The following CHN2 variants were observed in gnomAD, a reference collection of about 807,000 sequenced individuals.
The protein encoded by CHN2 is chimerin 2.
In CHN2, 35 loss-of-function variants were observed where a neutral mutation model predicts 56.3. That is an observed-to-expected ratio of 0.62 (90% confidence interval 0.47 to 0.82). The LOEUF (loss-of-function observed/expected upper bound fraction) is 0.82. Among genes scored for constraint, CHN2 ranks in the 40% least tolerant of loss-of-function variants. The probability of loss-of-function intolerance (pLI) is 0.00; values close to 1 mark genes in which losing one functional copy is unlikely to be tolerated. For synonymous variants in CHN2, 210 were observed against 212.8 expected, an observed-to-expected ratio of 0.99 and a Z score of 0.12; for missense variants, 491 against 580.5, an observed-to-expected ratio of 0.85 and a Z score of 1.58.
chr7:29,181,715 T>C (rs1018572050), intron 2 of CHN2, among the ~76,000 whole-genome samples: 2 of 152,170 alleles, frequency 1.3e-5, no homozygotes, highest in African/African-American at 4.8e-5. Context: ...CTAGAAAAAC[T>C]AAATAAAGTA....
chr7:29,509,639 T>C (rs1791044340), intron 12 of CHN2: 1 of 354,826 alleles, frequency 2.8e-6, no homozygotes, highest in African/African-American at 2.1e-5. Flanking sequence ...GGTCAGGAGA[T>C]TGAGACCATC....
chr7:29,435,894 C>CTTT (rs57786505), intron 6 of CHN2, among the ~76,000 whole-genome samples: 33,723 of 135,776 alleles, frequency 0.25, 4,167 homozygotes, highest in East Asian at 0.31. Context: ...GAAGCGCCTC[C>CTTT]TTTTTTTTTT....
intron 3 of CHN2, among the ~76,000 whole-genome samples, chr7:29,377,419 T>A (rs1223051717): frequency 6.6e-6 from 1 of 152,252 alleles, no homozygotes; most frequent in Non-Finnish European, 1.5e-5. Context: ...GGTGTTTTCC[T>A]TATCTGTGGC....
At chr7:29,438,382 TGAACATATTTCTAG>T (rs1783395751) in intron 6 of CHN2, among the ~76,000 whole-genome samples, 2 of 152,266 alleles carry the variant, frequency 1.3e-5, no homozygotes, top group Admixed American at 1.3e-4. Flanking sequence ...CAATTTGTTC[TGAACATATTTCTAG>T]ATCACCAAAT....
chr7:29,428,227 T>G (rs181328874), intron 6 of CHN2, among the ~76,000 whole-genome samples: 8 of 152,220 alleles, frequency 5.3e-5, no homozygotes, highest in Non-Finnish European at 7.3e-5. Flanking sequence ...AGTAGAGTGC[T>G]TAAACAGACC....
chr7:29,405,537 C>T (rs910222189), intron 6 of CHN2, among the ~76,000 whole-genome samples: 6 of 152,170 alleles, frequency 3.9e-5, no homozygotes, highest in Non-Finnish European at 7.4e-5. Flanking sequence ...CCCACCATCA[C>T]CACGCCTTTC....
At chr7:29,211,401 A>G (rs1345537210) in intron 1 of CHN2, among the ~76,000 whole-genome samples, 1 of 150,736 alleles carries the variant, frequency 6.6e-6, no homozygotes, top group Non-Finnish European at 1.5e-5. Flanking sequence ...TAACAGATCC[A>G]TTCTGGCTAT....
At chr7:29,321,570 C>CTTT (rs59651474) in intron 1 of CHN2, among the ~76,000 whole-genome samples, 10 of 128,186 alleles carry the variant, frequency 7.8e-5, no homozygotes, top group South Asian at 2.6e-4. Flanking sequence ...TTCTTTCTTT[C>CTTT]TTTTTTTTTT....
chr7:29,422,301 G>A (rs1269083406), intron 6 of CHN2, among the ~76,000 whole-genome samples: 1 of 152,190 alleles, frequency 6.6e-6, no homozygotes, highest in African/African-American at 2.4e-5. Flanking sequence ...TGACCTGATG[G>A]ATGTCAAATA....
At chr7:29,162,307 C>T (rs1403196230) in intron 2 of CHN2, among the ~76,000 whole-genome samples, 1 of 152,124 alleles carries the variant, frequency 6.6e-6, no homozygotes, top group Non-Finnish European at 1.5e-5. Flanking sequence ...TAGTAGAATA[C>T]TATTCAGCAA....
At chr7:29,355,582 T>C (rs1798228608) in intron 2 of CHN2, among the ~76,000 whole-genome samples, 1 of 151,840 alleles carries the variant, frequency 6.6e-6, no homozygotes, top group Non-Finnish European at 1.5e-5. Context: ...AGGACTGTGG[T>C]AGGAGGAGCC....
intron 2 of CHN2, among the ~76,000 whole-genome samples, chr7:29,363,178 A>G (rs1036858633): frequency 2.0e-5 from 3 of 152,224 alleles, no homozygotes; most frequent in African/African-American, 7.2e-5. Context: ...ATAAAGGGAC[A>G]CATATGCATT....
intron 1 of CHN2, among the ~76,000 whole-genome samples, chr7:29,339,660 C>T (rs1796892456): frequency 6.6e-6 from 1 of 152,092 alleles, no homozygotes; most frequent in Non-Finnish European, 1.5e-5. Context: ...CAAGACCAAC[C>T]TGGCCAACAT....
intron 1 of CHN2, among the ~76,000 whole-genome samples, chr7:29,272,598 T>A (rs1790753947): frequency 1.3e-5 from 2 of 152,162 alleles, no homozygotes; most frequent in African/African-American, 4.8e-5. Context: ...AAAAAGAAAG[T>A]TGCCACATTC....
intron 6 of CHN2, chr7:29,480,031 G>A (rs1786980956): frequency 6.6e-7 from 1 of 1,526,328 alleles, no homozygotes; most frequent in African/African-American, 1.4e-5. Flanking sequence ...CCTAACATAA[G>A]CTGCGGTTCG....
At chr7:29,512,540 C>G in intron 12 of CHN2, 24 bp from the exon 13 acceptor site, 1 of 1,589,616 alleles carries the variant, frequency 6.3e-7, no homozygotes, top group Non-Finnish European at 8.6e-7. Context: ...CATAATGTCT[C>G]TGTTCTATAT....
chr7:29,186,171 C>G (rs1400619908), intron 2 of CHN2, among the ~76,000 whole-genome samples: 2 of 152,124 alleles, frequency 1.3e-5, no homozygotes, highest in Non-Finnish European at 2.9e-5. Flanking sequence ...CTGTGCCTGT[C>G]CTTGCCAGGG....
intron 1 of CHN2, among the ~76,000 whole-genome samples, chr7:29,218,982 GA>G (rs58514795): frequency 0.25 from 38,133 of 151,170 alleles, 5,440 homozygotes; most frequent in East Asian, 0.53. Flanking sequence ...AAAATAGAAG[GA>G]AAAAAAAAGT....
intron 1 of CHN2, among the ~76,000 whole-genome samples, chr7:29,295,314 A>AACACAC (rs58693628): frequency 0.012 from 1,720 of 145,050 alleles, 17 homozygotes; most frequent in African/African-American, 0.018. Flanking sequence ...TTTAGCTGTG[A>AACACAC]ACACACACAC....
Sources: allele counts gnomAD v4.1 joint callset (sites outside exome capture counted in the v4.1 genomes callset), GRCh38; gene constraint gnomAD v4.1.1; transcripts MANE v1.5; gene names NCBI Gene and HGNC (gene_info 2026-07-23, HGNC 2026-07-21).